Variants in RRP12 observed in about 807,000 individuals in gnomAD.
RRP12 encodes RRP12-like protein.
In RRP12, 78 loss-of-function variants were observed where a neutral mutation model predicts 157.3. The observed-to-expected ratio is 0.50, with a 90% CI of 0.41 to 0.60. The LOEUF (loss-of-function observed/expected upper bound fraction) is 0.60, where lower values mean the gene tolerates loss of function less well. Among genes scored for constraint, RRP12 ranks in the 20% least tolerant of loss-of-function variants. The probability of loss-of-function intolerance (pLI) is 0.00; values close to 1 mark genes in which losing one functional copy is unlikely to be tolerated. For missense variants in RRP12, 1,521 were observed against 1,679.9 expected (o/e 0.91, Z 1.65); for synonymous variants, 726 against 670.9 (o/e 1.08, Z -1.27).
intron 23 of RRP12, 84 bp from the exon 24 acceptor site, chr10:97,370,358 G>C: frequency 7.3e-7 from 1 of 1,364,852 alleles, no homozygotes; most frequent in Non-Finnish European, 1.0e-6. Context: ...AGCCTGCCCA[G>C]GGCCAGGGCA....
downstream of RRP12, chr10:97,356,372 A>C (rs947744166): frequency 1.3e-5 from 2 of 152,280 alleles, no homozygotes; most frequent in African/African-American, 4.8e-5. Flanking sequence ...GAACAAGGCT[A>C]TGCTGGGCAC....
chr10:97,372,650 A>G (rs1844188777), intron 19 of RRP12, 86 bp downstream of exon 19: 5 of 1,071,416 alleles, frequency 4.7e-6, no homozygotes, highest in Non-Finnish European at 7.0e-6. Flanking sequence ...AAATAATGCA[A>G]GAGGGAACCC....
chr10:97,367,732 C>T (rs917558673), intron 25 of RRP12, among the ~76,000 whole-genome samples: 19 of 152,156 alleles, frequency 1.2e-4, no homozygotes, highest in African/African-American at 4.3e-4. Flanking sequence ...ATAGGGTCCA[C>T]GTCTACTCCT....
At position 97,400,399 on chromosome 10, in the gene RRP12, G is replaced by A; in HGVS notation, c.275C>T (p.Ser92Leu). The change falls in exon 2 of 34, where the codon TCG becomes TTG. Residue 92 changes from serine to leucine, a missense_variant. Transcript: ENST00000370992. ...GGAAAGGCCACTCAGGAAGGTACCC[G>A]AGGACTTCTCGGTGAGAACCAGCTC... ...EAELVLTEKS[S>L]GTFLSGLSDC... The A allele has an allele frequency of 6.2e-7, 1 of 1,614,042 alleles. No homozygotes were observed. The highest frequency in any genetic ancestry group is 8.5e-7 in the Non-Finnish European group (1 of 1,180,010).
chr10:97,366,068 G>A (rs765811238), intron 29 of RRP12, 40 bp downstream of exon 29: 2 of 1,599,724 alleles, frequency 1.3e-6, no homozygotes, highest in South Asian at 1.1e-5. Flanking sequence ...GAAGGAATAA[G>A]TGAACACGGT....
Position 97,388,253 on chromosome 10 carries a change from A to G in RRP12, c.1016T>C (p.Val339Ala). The change falls in exon 8 of 34, where the codon GTG becomes GCG. Residue 339 changes from valine (V) to alanine (A), a missense_variant and splice_region_variant. Val to Ala is a moderately conservative substitution (Grantham distance 64, BLOSUM62 0). Coordinates refer to ENST00000370992, the MANE Select transcript of RRP12 (RefSeq NM_015179.4). ...TLLRVMTLSH[V>A]LVTACAMQAF... ...TCCAGCTTTTGGGCCTGAGCTCACC[A>G]CATGGCTCAAGGTCATGACCCTGAG... 6.2e-7 allele frequency: 1 copy of G among 1,613,930 alleles called. No individual in the cohort carries two copies. Among genetic ancestry groups the G allele is most frequent in the Non-Finnish European group, 8.5e-7 (1 of 1,180,010 alleles).
In RRP12 at chr10:97,369,983, T is replaced by C. The variant is rs562076939; in HGVS notation, c.2797+184A>G. 4.7e-4 allele frequency among the ~76,000 whole-genome samples: 71 copies of C among 152,298 alleles called. 1 individual carries two copies. The East Asian group carries it at 0.012, about 26-fold the overall frequency. On this transcript the variant is annotated intron_variant, in intron 24 of 33. Transcript: ENST00000370992. ...CAGACCTGAGGAAGGTGCCTTGGCA[T>C]AGCCGCAAGGGCGGGAGGCAGCGAC...
Position 97,381,756 on chromosome 10 carries a change from G to T in RRP12, c.1279C>A (p.Pro427Thr), listed in dbSNP as rs1844474336. ...GCAGCAGTCAGCACTTGCGAGTGTG[G>T]GGAAAGGAGGCAGGTCACCGCAGTT... ...FGTAVTCLLS[P>T]HSQVLTAATQ... The change falls in exon 11 of 34, where the codon CCA becomes ACA. Residue 427 changes from proline to threonine, a missense_variant. Pro to Thr is a conservative substitution (Grantham distance 38, BLOSUM62 -1). Transcript: ENST00000370992. 1.2e-6 allele frequency: 2 copies of T among 1,614,076 alleles called. No individual in the cohort carries two copies. Among genetic ancestry groups the T allele is most frequent in the African/African-American group, 2.7e-5 (2 of 74,946 alleles).
chr10:97,376,128 C>T (rs116347953), intron 15 of RRP12, among the ~76,000 whole-genome samples: 2,309 of 150,942 alleles, frequency 0.015, 63 homozygotes, highest in African/African-American at 0.051. Flanking sequence ...ACAAACAAAC[C>T]GACCCAAACA....
intron 6 of RRP12, among the ~76,000 whole-genome samples, chr10:97,389,725 T>C (rs904272983): frequency 2.6e-5 from 4 of 152,012 alleles, no homozygotes; most frequent in Non-Finnish European, 4.4e-5. Flanking sequence ...TCTTTTTTTT[T>C]CTTTTGAGAT....
chr10:97,379,393 C>T lies in RRP12; in HGVS notation c.1698G>A (p.Arg566=). ...CTCGGATGACAGGCAGCAGCCAGCT[C>T]CGTGGGAAATCCAGAGTCTCCCTGG... The part of the protein sequence containing the change: ...DGSEETLDFP[R]SWLLPVIRDH... Residue 566 remains arginine (R), a synonymous_variant, in exon 15 of 34, where the codon CGG becomes CGA. Coordinates refer to ENST00000370992, the MANE Select transcript of RRP12 (RefSeq NM_015179.4). The T allele has an allele frequency of 5.0e-6, 8 of 1,614,076 alleles. No individual in the cohort carries two copies. Among genetic ancestry groups the T allele is most frequent in the Non-Finnish European group, 5.9e-6 (7 of 1,180,026 alleles).
chr10:97,374,464 A>C (rs894980850), intron 15 of RRP12, among the ~76,000 whole-genome samples: 2 of 150,028 alleles, frequency 1.3e-5, no homozygotes, highest in East Asian at 4.2e-4. Flanking sequence ...ACCCAGCCAC[A>C]TGCCCACTTT....
At chr10:97,382,890 T>C (rs981852048) in intron 10 of RRP12, among the ~76,000 whole-genome samples, 5 of 152,074 alleles carry the variant, frequency 3.3e-5, no homozygotes, top group African/African-American at 1.2e-4. Flanking sequence ...GCCTCCCAAG[T>C]AGCTGGGATT....
intron 2 of RRP12, among the ~76,000 whole-genome samples, chr10:97,398,031 A>T (rs1401572248): frequency 2.1e-4 from 20 of 95,612 alleles, no homozygotes; most frequent in African/African-American, 9.6e-4. Flanking sequence ...ATGTATATAT[A>T]TATACGTATT....
At chr10:97,401,060 C>A (rs759864715) in intron 1 of RRP12, 33 bp downstream of exon 1, 4 of 1,607,224 alleles carry the variant, frequency 2.5e-6, no homozygotes, top group Middle Eastern at 1.7e-4. Context: ...TGGAACCCCG[C>A]CCCCGGCTGC....
rs1384840458 is a variant in RRP12 at position 97,371,359 on chromosome 10, C to T, written c.2344-278G>A. 10 of 488,476 alleles carry T rather than the reference C, an allele frequency of 2.0e-5. 1 individual carries two copies. In the Middle Eastern group the frequency reaches 2.1e-3, roughly 104 times the overall value. 30.3% of individuals were successfully genotyped at this position (488,476 alleles called of 1,614,324 possible). A position where few individuals can be genotyped will look rare whatever the true frequency, so the allele number is the denominator to read the frequency against. ...CTGAGCTCATGGTGCCTGGCACGCG[C>T]CAAGGCCTGCACATCTGCTGCTCTT... On this transcript the variant is annotated intron_variant, in intron 20 of 33. Transcript: ENST00000370992.
chr10:97,374,812 T>C (rs1199060058), intron 15 of RRP12, among the ~76,000 whole-genome samples: 1 of 150,176 alleles, frequency 6.7e-6, no homozygotes, highest in Non-Finnish European at 1.5e-5. Flanking sequence ...ATATACTATA[T>C]ATATAGCATT....
chr10:97,391,016 TC>T (rs1206274599), intron 4 of RRP12, among the ~76,000 whole-genome samples, 172 bp from the exon 5 acceptor site: 3 of 152,080 alleles, frequency 2.0e-5, no homozygotes, highest in Non-Finnish European at 4.4e-5. Context: ...CAGTGTGCTT[TC>T]CACCCGGGAT....
intron 15 of RRP12, among the ~76,000 whole-genome samples, chr10:97,378,298 GTAT>G (rs1844366500): frequency 6.6e-6 from 1 of 152,168 alleles, no homozygotes; most frequent in African/African-American, 2.4e-5. Context: ...AGCATAGAGT[GTAT>G]TTACAAAAAC....
Sources: allele counts gnomAD v4.1 joint callset (sites outside exome capture counted in the v4.1 genomes callset), GRCh38; gene constraint gnomAD v4.1.1; transcripts MANE v1.5; gene names NCBI Gene and HGNC (gene_info 2026-07-23, HGNC 2026-07-21).